Variants in GASK1A observed in about 807,000 individuals in gnomAD.
GASK1A encodes golgi associated kinase 1A.
GASK1A carries 40 observed loss-of-function variants against 41.2 expected under a neutral mutation model. The ratio of observed to expected loss-of-function variants is 0.97; its 90% confidence interval spans 0.75 to 1.27. The LOEUF is 1.27. Among genes scored for constraint, GASK1A ranks in the 50% most tolerant of loss-of-function variants. GASK1A has a pLI of 0.00. For synonymous variants in GASK1A, 316 were observed against 307.1 expected (o/e 1.03, Z -0.30); for missense variants, 678 against 745.1 (o/e 0.91, Z 1.05).
At chr3:43,051,979 G>A (rs2125692494) in intron 2 of GASK1A, among the ~76,000 whole-genome samples, 1 of 152,164 alleles carries the variant, frequency 6.6e-6, no homozygotes, top group South Asian at 2.1e-4. Flanking sequence ...CCCACACCAG[G>A]CTCTTTTAGG....
In GASK1A at chr3:43,023,217, C is replaced by T. The variant is rs1368480241; in HGVS notation, c.4-9050C>T. 3.3e-5 allele frequency among the ~76,000 whole-genome samples: 5 copies of T among 152,050 alleles called. No homozygotes were observed. In the East Asian group the frequency reaches 7.7e-4, roughly 23 times the overall value. ...CAAACAAAAGAGGAGACCATGGAGG[C>T]GGAGACTGGAGTGATGTGACTACAA... On this transcript the variant is annotated intron_variant, in intron 1 of 4. Transcript: ENST00000430121.
chr3:42,984,362 A>G lies in GASK1A; in HGVS notation c.3+4717A>G, dbSNP rs147723575. 1.2e-3 allele frequency among the ~76,000 whole-genome samples: 180 copies of G among 152,066 alleles called. No individual in the cohort carries two copies. The highest frequency in any genetic ancestry group is 4.1e-3 in the African/African-American group (168 of 41,458). ...ACGCTGACTTTCACACATCACACAT[A>G]TACTCATACACACACATGTGCACGC... On this transcript the variant is annotated intron_variant, in intron 1 of 4. Coordinates refer to ENST00000430121, the MANE Select transcript of GASK1A (RefSeq NM_001129908.3). This position sits in a 1 kb window ranked among gnomAD's most constrained non-coding sequence, Gnocchi z 4.2.
intron 2 of GASK1A, 71 bp downstream of exon 2, chr3:43,033,624 GC>G: frequency 7.3e-7 from 1 of 1,365,306 alleles, no homozygotes. Flanking sequence ...GGCCTGAATT[GC>G]CCACCTGAGG....
At chr3:43,003,955 C>T (rs1301257200) in intron 1 of GASK1A, among the ~76,000 whole-genome samples, 1 of 152,166 alleles carries the variant, frequency 6.6e-6, no homozygotes, top group African/African-American at 2.4e-5. Context: ...ATCAGTGACT[C>T]TTTTGAATAT....
intron 1 of GASK1A, among the ~76,000 whole-genome samples, chr3:42,996,433 CTT>C (rs1234342361): frequency 6.6e-6 from 1 of 152,196 alleles, no homozygotes; most frequent in Admixed American, 6.5e-5. Context: ...GCTTTTGTCT[CTT>C]TTGTTCATGA....
At position 42,985,580 on chromosome 3, in the gene GASK1A, TGTGTGTGG is replaced by T. The variant is rs889681763; in HGVS notation, c.3+5937_3+5944del. Among the ~76,000 whole-genome samples the T allele has an allele frequency of 1.3e-4, 19 of 147,658 alleles. No individual in the cohort carries two copies. In the East Asian group the frequency reaches 1.4e-3, roughly 11 times the overall value. ...GTGTGTGTGTGTGTGTGTGTGTGTGTGTGTGTGGGCGGAGGCAGGGGAGCAGGTGGTAG... is the reference window on the plus strand; with the variant it reads ...GTGTGTGTGTGTGTGTGTGTGTGTGTGCGGAGGCAGGGGAGCAGGTGGTAG... On this transcript the variant is annotated intron_variant, in intron 1 of 4. Coordinates refer to ENST00000430121, the MANE Select transcript of GASK1A (RefSeq NM_001129908.3).
intron 1 of GASK1A, among the ~76,000 whole-genome samples, chr3:43,021,968 C>G (rs1303796511): frequency 1.3e-5 from 2 of 152,166 alleles, no homozygotes; most frequent in East Asian, 1.9e-4. Flanking sequence ...TAGAACCACA[C>G]AGTGAAGGTA....
At chr3:43,037,317 A>G in intron 2 of GASK1A, 2 of 873,792 alleles carry the variant, frequency 2.3e-6, no homozygotes, top group South Asian at 2.6e-5. Context: ...CAGGGCTCCC[A>G]GCCACTCTGA....
chr3:42,997,654 T>C (rs1256823044), intron 1 of GASK1A, among the ~76,000 whole-genome samples: 1 of 152,206 alleles, frequency 6.6e-6, no homozygotes, highest in African/African-American at 2.4e-5. Context: ...TCATAGCTTA[T>C]GTTTATTGAG....
chr3:43,019,788 A>C (rs918348871), intron 1 of GASK1A, among the ~76,000 whole-genome samples: 36 of 147,934 alleles, frequency 2.4e-4, no homozygotes, highest in East Asian at 7.8e-4. Context: ...ACACACACAC[A>C]CCCCATCACA....
intron 1 of GASK1A, among the ~76,000 whole-genome samples, chr3:42,990,092 G>T (rs2125673548): frequency 6.6e-6 from 1 of 152,044 alleles, no homozygotes; most frequent in Admixed American, 6.5e-5. Context: ...ACTTTGGGAG[G>T]CTGAGGAGGG....
chr3:42,991,506 C>T (rs947836711), intron 1 of GASK1A, among the ~76,000 whole-genome samples: 1 of 152,238 alleles, frequency 6.6e-6, no homozygotes. Context: ...CACACTCACA[C>T]ACCCTCACAC....
chr3:42,984,983 T>C lies in GASK1A; in HGVS notation c.3+5338T>C, dbSNP rs2089301297. On this transcript the variant is annotated intron_variant, in intron 1 of 4. Coordinates refer to ENST00000430121, the MANE Select transcript of GASK1A (RefSeq NM_001129908.3). This position sits in a 1 kb window ranked among gnomAD's most constrained non-coding sequence, Gnocchi z 4.2. ...TAGGTTGTAAATTGACTGTTATCTC[T>C]CGAGGCAAGCTCCTGGTGGAAGGTA... is the stretch of plus-strand genomic sequence containing the variant. 6.6e-6 allele frequency among the ~76,000 whole-genome samples: 1 copy of C among 152,160 alleles called. No homozygotes were observed. The highest frequency in any genetic ancestry group is 2.4e-5 in the African/African-American group (1 of 41,428).
In GASK1A at chr3:43,032,303, C is replaced by T. The variant is rs761424713; in HGVS notation, c.40C>T (p.Arg14Trp). The stretch of plus-strand genomic sequence containing the variant: ...CCGGAGAAAGCTGCGTGGCAAGAGG[C>T]GGCCAGTGATAGCGTTCTGCCTCTT... ...WLRRKLRGKR[R>W]PVIAFCLLMI... The change falls in exon 2 of 5, where the codon CGG becomes TGG. Residue 14 changes from arginine to tryptophan, a missense_variant. Transcript: ENST00000430121. 4.6e-5 allele frequency: 71 copies of T among 1,537,304 alleles called. No homozygotes were observed. The highest frequency in any genetic ancestry group is 4.2e-4 in the South Asian group (35 of 83,048).
At chr3:43,044,479 C>T (rs564650133) in intron 2 of GASK1A, among the ~76,000 whole-genome samples, 2 of 152,326 alleles carry the variant, frequency 1.3e-5, no homozygotes, top group South Asian at 4.2e-4. Context: ...CAACCGCCTC[C>T]TGCTTTACAT....
intron 1 of GASK1A, among the ~76,000 whole-genome samples, chr3:42,981,442 C>A (rs2089282407): frequency 6.6e-6 from 1 of 152,128 alleles, no homozygotes; most frequent in Non-Finnish European, 1.5e-5. Flanking sequence ...AGATGTTATT[C>A]AAGGTGCCAT....
At chr3:43,000,308 C>A (rs1420497207) in intron 1 of GASK1A, among the ~76,000 whole-genome samples, 1 of 152,240 alleles carries the variant, frequency 6.6e-6, no homozygotes, top group African/African-American at 2.4e-5. Context: ...TAACAAGTAA[C>A]TGCTGTGTTC....
At chr3:42,987,601 ATTATG>A (rs5848639) in intron 1 of GASK1A, among the ~76,000 whole-genome samples, 112,753 of 151,522 alleles carry the variant, frequency 0.74, 42,534 homozygotes, top group East Asian at 0.91. Context: ...AAAATCACTT[ATTATG>A]TTATATTCTT....
chr3:42,992,299 CCCTGCTCA>C (rs1419785070), intron 1 of GASK1A, among the ~76,000 whole-genome samples: 1 of 106,412 alleles, frequency 9.4e-6, no homozygotes, highest in African/African-American at 2.6e-5. Flanking sequence ...TGAATTCAAA[CCCTGCTCA>C]CCACCTTGGG....
Sources: gnomAD v4.1 joint callset for allele counts (sites outside exome capture counted in the v4.1 genomes callset) on GRCh38, gnomAD v4.1.1 for gene constraint, Gnocchi (gnomAD v3.1) non-coding constraint, MANE v1.5 for transcripts, NCBI Gene and HGNC (gene_info 2026-07-23, HGNC 2026-07-21) for gene names.